Variants in COL4A1 observed in about 807,000 individuals in gnomAD.
COL4A1 encodes the protein collagen type IV alpha 1 chain, also known as collagen alpha-1(IV) chain.
Under a neutral mutation model 216.6 loss-of-function variants are expected in COL4A1, and 40 were observed. The ratio of observed to expected loss-of-function variants is 0.18; its 90% confidence interval spans 0.14 to 0.24. The LOEUF is 0.24. COL4A1 is among the 10% of genes least tolerant of loss of function. The pLI, the probability that COL4A1 is intolerant of heterozygous loss-of-function variation, is 1.00. For synonymous variants in COL4A1, 839 were observed against 810.7 expected, an observed-to-expected ratio of 1.03 and a Z score of -0.59; for missense variants, 1,628 against 2,196.8, an observed-to-expected ratio of 0.74 and a Z score of 5.18.
In COL4A1 at chr13:110,193,947, C is replaced by T. The variant is rs1006554227; in HGVS notation, c.1382-1034G>A. Among the ~76,000 whole-genome samples, 7 of 152,098 alleles carry T rather than the reference C, an allele frequency of 4.6e-5. No homozygotes were observed. In the East Asian group the frequency reaches 9.6e-4, roughly 21 times the overall value. The stretch of plus-strand genomic sequence containing the variant: ...GGAGACAAGGTGCATTCCCAGCAGA[C>T]GATGGAGTCGAAAGAGGAATGGGAA... On this transcript the variant is annotated intron_variant, in intron 22 of 51. Coordinates refer to ENST00000375820, the MANE Select transcript of COL4A1 (RefSeq NM_001845.6).
At chr13:110,191,601 T>G (rs1878629800) in intron 24 of COL4A1, 1 of 673,900 alleles carries the variant, frequency 1.5e-6, no homozygotes, top group African/African-American at 1.8e-5. Context: ...ATTGAAAGGT[T>G]TCATGTCAAT....
At chr13:110,219,900 ATGTATATATATGTG>A (rs1314116457) in intron 2 of COL4A1, among the ~76,000 whole-genome samples, 1 of 141,270 alleles carries the variant, frequency 7.1e-6, no homozygotes, top group African/African-American at 2.7e-5. Context: ...GTGTATATAT[ATGTATATATATGTG>A]TGTATATATA....
chr13:110,271,105 T>A (rs1192200689), intron 1 of COL4A1, among the ~76,000 whole-genome samples: 1 of 152,170 alleles, frequency 6.6e-6, no homozygotes, highest in African/African-American at 2.4e-5. Context: ...TCAAGCCCAT[T>A]CTGATCTAAG....
At chr13:110,284,976 A>G (rs1027056006) in intron 1 of COL4A1, among the ~76,000 whole-genome samples, 4 of 152,230 alleles carry the variant, frequency 2.6e-5, no homozygotes, top group Non-Finnish European at 2.9e-5. Context: ...CTATGTCAGA[A>G]TAATTCCATT....
At position 110,158,603 on chromosome 13, in the gene COL4A1, G is replaced by A. The variant is rs116511807; in HGVS notation, c.4640+2589C>T. On this transcript the variant is annotated intron_variant, in intron 49 of 51. Transcript: ENST00000375820. ...CAAAGACTGCTGATTTCTTTAAAGG[G>A]AATATAAAAAACTTTGTATCTTTTT... 4.7e-3 allele frequency among the ~76,000 whole-genome samples: 716 copies of A among 152,094 alleles called. 4 individuals carry two copies. Among genetic ancestry groups the A allele is most frequent in the African/African-American group, 0.016 (681 of 41,492 alleles).
At chr13:110,295,083 G>T (rs1884218951) in intron 1 of COL4A1, among the ~76,000 whole-genome samples, 1 of 152,156 alleles carries the variant, frequency 6.6e-6, no homozygotes, top group African/African-American at 2.4e-5. Context: ...TCATTTTAAT[G>T]TAAAAATGTA....
At position 110,155,303 on chromosome 13, in the gene COL4A1, T is replaced by A; in HGVS notation, c.4735A>T (p.Ile1579Phe). The change falls in exon 50 of 52, where the codon ATC becomes TTC. Residue 1579 changes from isoleucine to phenylalanine, a missense_variant. Transcript: ENST00000375820. ...CTTACCATCACAAAAGAGTAGCCGATCCACAGCGAGGACCACCCGCTGGGG... is the reference window on the plus strand; with the variant it reads ...CTTACCATCACAAAAGAGTAGCCGAACCACAGCGAGGACCACCCGCTGGGG... ...PCPSGWSSLW[I>F]GYSFVMHTSA... 6.2e-7 allele frequency: 1 copy of A among 1,613,746 alleles called. No individual in the cohort carries two copies.
chr13:110,246,122 C>G (rs1881797559), intron 1 of COL4A1, among the ~76,000 whole-genome samples: 1 of 148,952 alleles, frequency 6.7e-6, no homozygotes, highest in South Asian at 2.1e-4. Context: ...GGTGGCCTAG[C>G]ATTTTATGTA....
chr13:110,194,546 G>C (rs139216364), intron 22 of COL4A1, among the ~76,000 whole-genome samples: 2 of 152,284 alleles, frequency 1.3e-5, no homozygotes, highest in African/African-American at 4.8e-5. Flanking sequence ...AGAGCCCAGA[G>C]TGAAGCTGGT....
intron 50 of COL4A1, among the ~76,000 whole-genome samples, 187 bp downstream of exon 50, chr13:110,155,096 C>T (rs1324933446): frequency 6.6e-6 from 1 of 152,334 alleles, no homozygotes; most frequent in East Asian, 1.9e-4. Flanking sequence ...CTGGAGACCC[C>T]TGCTGTCACC....
In COL4A1 at chr13:110,184,223, C is replaced by G. The variant is rs192213455; in HGVS notation, c.1898-947G>C. Among the ~76,000 whole-genome samples, 3 of 152,262 alleles carry G rather than the reference C, an allele frequency of 2.0e-5. No homozygotes were observed. In the East Asian group the frequency reaches 5.8e-4, roughly 29 times the overall value. On this transcript the variant is annotated intron_variant, in intron 26 of 51. Transcript: ENST00000375820. ...GAGAGAGGATCAACAGCCCTGTTCC[C>G]CCTCCCCAGAAGCCTTCTTCCCCAT...
At chr13:110,176,329 G>T in intron 36 of COL4A1, 95 bp downstream of exon 36, 1 of 859,498 alleles carries the variant, frequency 1.2e-6, no homozygotes, top group East Asian at 2.5e-5. Flanking sequence ...CCTGGATTCT[G>T]TCCGTCTCAG....
In COL4A1 at chr13:110,162,339, A is replaced by G; in HGVS notation, c.4353T>C (p.His1451=). The change falls in exon 48 of 52, where the codon CAT becomes CAC. Residue 1451 remains histidine (H), a synonymous_variant. Coordinates refer to ENST00000375820, the MANE Select transcript of COL4A1 (RefSeq NM_001845.6). ...ACTGTGGGTCATCTATTGTTTGACT[A>G]TGCCTGGTCACAAGGAAGCCGTGAT... ...SVDHGFLVTR[H]SQTIDDPQCP... 6.2e-7 allele frequency: 1 copy of G among 1,614,230 alleles called. No individual in the cohort carries two copies. Among genetic ancestry groups the G allele is most frequent in the Non-Finnish European group, 8.5e-7 (1 of 1,180,016 alleles).
rs139983681 is a variant in COL4A1 at position 110,299,261 on chromosome 13, C to A, written c.84+7683G>T. On this transcript the variant is annotated intron_variant, in intron 1 of 51. Transcript: ENST00000375820. ...CGGGCTGTCAGTAGCCGCACCCTCA[C>A]CTGCTAGAAATGCAGATTCTCGGCA... 9.3e-3 allele frequency among the ~76,000 whole-genome samples: 1,424 copies of A among 152,314 alleles called. 18 individuals are homozygous for A. The highest frequency in any genetic ancestry group is 0.032 in the African/African-American group (1,344 of 41,572).
chr13:110,168,066 C>G (rs1877426660), intron 43 of COL4A1, among the ~76,000 whole-genome samples: 1 of 151,918 alleles, frequency 6.6e-6, no homozygotes, highest in Non-Finnish European at 1.5e-5. Flanking sequence ...GTCATCCAGG[C>G]TGGAGTGCAG....
At chr13:110,281,327 G>T (rs1349359652) in intron 1 of COL4A1, among the ~76,000 whole-genome samples, 1 of 152,122 alleles carries the variant, frequency 6.6e-6, no homozygotes, top group Non-Finnish European at 1.5e-5. Flanking sequence ...ATTTTTTAAT[G>T]TTCCAAAAAG....
rs765269741 is a variant in COL4A1, at chr13:110,152,386, C to A, written c.4876G>T (p.Ala1626Ser). 8.1e-6 allele frequency: 13 copies of A among 1,614,166 alleles called. No individual in the cohort carries two copies. The highest frequency in any genetic ancestry group is 1.1e-5 in the Non-Finnish European group (13 of 1,180,044). The change falls in exon 51 of 52, where the codon GCA (alanine) becomes TCA (serine). Residue 1626 changes from alanine to serine, a missense_variant. By Grantham distance (99) the Ala-to-Ser change is moderately conservative. Around this residue, in one of 8 missense-constraint regions of COL4A1, gnomAD observed 254 missense variants for 300.1 expected, o/e 0.85. Transcript: ENST00000375820. Reference sequence around the variant, plus strand: ...GCGAGCCAAAAGCTGTAAGCGTTTGCGTAGTAATTGCAGGTCCCACGGCCG... The same window carrying A: ...GCGAGCCAAAAGCTGTAAGCGTTTGAGTAGTAATTGCAGGTCCCACGGCCG... ...CHGRGTCNYY[A>S]NAYSFWLATI...
intron 2 of COL4A1, among the ~76,000 whole-genome samples, chr13:110,241,980 T>C (rs1594082149): frequency 6.6e-6 from 1 of 152,176 alleles, no homozygotes; most frequent in African/African-American, 2.4e-5. Context: ...TGGTGGCATT[T>C]CCTCACAGCC....
chr13:110,203,526 C>T (rs372492788), intron 18 of COL4A1, 40 bp downstream of exon 18: 7 of 1,609,924 alleles, frequency 4.3e-6, no homozygotes, highest in Non-Finnish European at 5.1e-6. Flanking sequence ...CCTTCCTCCC[C>T]CAGCGCTCTC....
Sources: allele counts gnomAD v4.1 joint callset (sites outside exome capture counted in the v4.1 genomes callset), GRCh38; gene constraint gnomAD v4.1.1; regional missense constraint gnomAD v4.1.1; transcripts MANE v1.5; gene names NCBI Gene and HGNC (gene_info 2026-07-23, HGNC 2026-07-21).